Variants in HHIPL1 observed in about 807,000 individuals in gnomAD.
The protein encoded by HHIPL1 is HHIP-like protein 1.
Under a neutral mutation model 61.8 loss-of-function variants are expected in HHIPL1, and 43 were observed. That is an observed-to-expected ratio of 0.70 (90% CI 0.55 to 0.90). The LOEUF (loss-of-function observed/expected upper bound fraction) is 0.90. HHIPL1 is among the 40% of genes least tolerant of loss of function. The pLI is 0.00. For missense variants in HHIPL1, 1,056 were observed against 1,157.7 expected (o/e 0.91, Z 1.28); for synonymous variants, 482 against 515.8 (o/e 0.93, Z 0.89).
the HHIPL1 span, among the ~76,000 whole-genome samples, chr14:99,609,044 C>T: frequency 2.0e-5 from 3 of 152,190 alleles, no homozygotes; most frequent in Admixed American, 6.5e-5. Context: ...TGCAAGGTGC[C>T]TGGACCCATG....
In HHIPL1 at chr14:99,668,228, T is replaced by C; in HGVS notation, c.1655T>C (p.Leu552Pro). ...ISFGEDEAGE[L>P]YFMSTGEPSA... Reference sequence around the variant, plus strand: ...CACTTTGTTCTGTCCAAAGGGGAGCTGTACTTCATGTCGACAGGGGAGCCG... The same window carrying C: ...CACTTTGTTCTGTCCAAAGGGGAGCCGTACTTCATGTCGACAGGGGAGCCG... Residue 552 changes from leucine (L) to proline (P), a missense_variant, in exon 7 of 9, where the codon CTG becomes CCG. Transcript: ENST00000330710. This position sits in a 1 kb window ranked among gnomAD's most constrained non-coding sequence, Gnocchi z 4.7. The C allele has an allele frequency of 6.2e-7, 1 of 1,606,016 alleles. No individual in the cohort carries two copies. Among genetic ancestry groups the C allele is most frequent in the East Asian group, 2.2e-5 (1 of 44,846 alleles).
chr14:99,664,278 C>A (rs1040837390), intron 6 of HHIPL1, among the ~76,000 whole-genome samples: 2 of 152,188 alleles, frequency 1.3e-5, no homozygotes, highest in Non-Finnish European at 2.9e-5. Flanking sequence ...GTCTGGGAAA[C>A]CTTTGTTGAA....
the HHIPL1 span, among the ~76,000 whole-genome samples, chr14:99,608,387 TAATAAAC>T: frequency 6.6e-6 from 1 of 152,250 alleles, no homozygotes; most frequent in Non-Finnish European, 1.5e-5. Flanking sequence ...TTGAGGGTTA[TAATAAAC>T]CTATGAGGAG....
chr14:99,672,998 C>T (rs572856098), intron 8 of HHIPL1, among the ~76,000 whole-genome samples: 2 of 152,346 alleles, frequency 1.3e-5, no homozygotes, highest in African/African-American at 2.4e-5. Context: ...CAGCACACGG[C>T]GAGACACTGC....
intron 2 of HHIPL1, among the ~76,000 whole-genome samples, chr14:99,654,188 C>CAAAA (rs754501639): frequency 5.6e-5 from 5 of 89,972 alleles, no homozygotes; most frequent in Admixed American, 1.3e-4. Context: ...GACTCTGTCT[C>CAAAA]AAAAAAAAAA....
At position 99,676,121 on chromosome 14, in the gene HHIPL1, T is replaced by TC. The variant is rs953109858; in HGVS notation, c.*502dup. 4.5e-5 allele frequency: 7 copies of TC among 154,028 alleles called. No individual in the cohort carries two copies. Among genetic ancestry groups the TC allele is most frequent in the Non-Finnish European group, 1.0e-4 (7 of 70,300 alleles). The allele number at this position is 154,028 out of a possible 1,614,324, so 9.5% of individuals were successfully genotyped here. On this transcript the variant is annotated 3_prime_UTR_variant, in exon 9 of 9. Transcript: ENST00000330710. ...CGGACAGCATGGCCTGGTGCCCGCATCCCCCCCACCCCCTGGCAGTCAGAG... is the reference window on the plus strand; with the variant it reads ...CGGACAGCATGGCCTGGTGCCCGCATCCCCCCCCACCCCCTGGCAGTCAGAG...
the HHIPL1 span, among the ~76,000 whole-genome samples, chr14:99,637,124 G>GAAAAAGAAAGA: frequency 7.2e-5 from 8 of 111,734 alleles, no homozygotes; most frequent in East Asian, 3.7e-4. Flanking sequence ...AGAAAGAAAA[G>GAAAAAGAAAGA]AAAGAGAGAG....
chr14:99,652,293 G>A lies in HHIPL1; in HGVS notation c.325G>A (p.Gly109Arg), dbSNP rs748559588. The A allele has an allele frequency of 1.1e-5, 17 of 1,613,856 alleles. No individual in the cohort carries two copies. Among genetic ancestry groups the A allele is most frequent in the Admixed American group, 6.7e-5 (4 of 60,008 alleles). Residue 109 changes from glycine (G) to arginine (R), a missense_variant, in exon 2 of 9, where the codon GGG becomes AGG. Gly to Arg is a moderately radical substitution (Grantham distance 125). Transcript: ENST00000330710. ...DPFTPLRTVP[G>R]LCQDYCLDMW... ...ATTCACGCCCCTGCGCACGGTGCCC[G>A]GGCTCTGCCAGGATTACTGCCTGGA...
rs1425352902 is a variant in HHIPL1, at chr14:99,672,338, T to G, written c.1752T>G (p.Cys584Trp). 1.3e-6 allele frequency: 2 copies of G among 1,551,216 alleles called. No homozygotes were observed. The highest frequency in any genetic ancestry group is 1.7e-6 in the Non-Finnish European group (2 of 1,146,928). The change falls in exon 8 of 9, where the codon TGT becomes TGG. Residue 584 changes from cysteine (C) to tryptophan (W), a missense_variant. By Grantham distance (215) the Cys-to-Trp change is radical. Coordinates refer to ENST00000330710, the MANE Select transcript of HHIPL1 (RefSeq NM_001127258.3). Reference protein sequence around the residue: ...DASRRAPPGKCQIQPAQVKIR... With the variant: ...DASRRAPPGKWQIQPAQVKIR... The stretch of plus-strand genomic sequence containing the variant: ...GCAGGCGGGCACCACCTGGCAAATG[T>G]CAGATCCAGCCTGCTCAGGTGAAGA...
At chr14:99,620,278 T>C in the HHIPL1 span, among the ~76,000 whole-genome samples, 1 of 152,196 alleles carries the variant, frequency 6.6e-6, no homozygotes, top group African/African-American at 2.4e-5. Flanking sequence ...AAGGAGGCCT[T>C]GAAATCCACT....
Position 99,662,161 on chromosome 14 carries a change from AC to A in HHIPL1, c.1503-711del, listed in dbSNP as rs547763527. 5.3e-5 allele frequency among the ~76,000 whole-genome samples: 8 copies of A among 152,124 alleles called. No individual in the cohort carries two copies. In the East Asian group the frequency reaches 1.4e-3, roughly 26 times the overall value. ...AACCAGGATGACAGAGATGAATAGG[AC>A]CCCTCGTACCCGAGCCAGGGAGACA... On this transcript the variant is annotated intron_variant, in intron 5 of 8. Coordinates refer to ENST00000330710, the MANE Select transcript of HHIPL1 (RefSeq NM_001127258.3).
At position 99,678,632 on chromosome 14, in the gene HHIPL1, G is replaced by A. The variant is rs2056412720; in HGVS notation, c.*3006G>A. The A allele has an allele frequency of 6.6e-6, 1 of 152,256 alleles. No individual in the cohort carries two copies. Among genetic ancestry groups the A allele is most frequent in the Non-Finnish European group, 1.5e-5 (1 of 68,038 alleles). 9.4% of individuals were successfully genotyped at this position (152,256 alleles called of 1,614,324 possible). A position where few individuals can be genotyped will look rare whatever the true frequency, so the allele number is the denominator to read the frequency against. On this transcript the variant is annotated 3_prime_UTR_variant, in exon 9 of 9. Transcript: ENST00000330710. ...ATGGAAGGATAAAGGAAAAGAGGAA[G>A]TTGCTTACGAAAGGACTTAGAAAAG...
intron 7 of HHIPL1, 113 bp from the exon 8 acceptor site, chr14:99,672,204 A>T: frequency 1.3e-6 from 1 of 768,798 alleles, no homozygotes; most frequent in Non-Finnish European, 2.2e-6. Flanking sequence ...GTGCATGGTG[A>T]ATGGCCGCCT....
chr14:99,658,057 AC>A (rs1296430545), intron 3 of HHIPL1, among the ~76,000 whole-genome samples: 1 of 152,154 alleles, frequency 6.6e-6, no homozygotes, highest in Non-Finnish European at 1.5e-5. Flanking sequence ...AAATGGTAAA[AC>A]CTTCCTCAGC....
chr14:99,662,815 GT>G (rs1317464477), intron 5 of HHIPL1, 60 bp from the exon 6 acceptor site: 10 of 1,461,276 alleles, frequency 6.8e-6, no homozygotes, highest in African/African-American at 1.4e-5. Flanking sequence ...GGATGGATTG[GT>G]GGGTAGGTTC....
upstream of HHIPL1, among the ~76,000 whole-genome samples, chr14:99,643,120 A>G (rs2055774362): frequency 6.6e-6 from 1 of 151,758 alleles, no homozygotes; most frequent in Non-Finnish European, 1.5e-5. Flanking sequence ...AGCTCACTAC[A>G]GCCTCCGCCT....
chr14:99,675,672 G>A lies in HHIPL1; in HGVS notation c.*46G>A. ...GCCATCCCGCCGGCGGGGGAGCCTG[G>A]CAGGGGCCGCTCCGCCCTGTGTGCG... On this transcript the variant is annotated 3_prime_UTR_variant, in exon 9 of 9. Coordinates refer to ENST00000330710, the MANE Select transcript of HHIPL1 (RefSeq NM_001127258.3). This position sits in a 1 kb window ranked among gnomAD's most constrained non-coding sequence, Gnocchi z 5.4. 1.4e-6 allele frequency: 2 copies of A among 1,463,344 alleles called. No homozygotes were observed. Among genetic ancestry groups the A allele is most frequent in the South Asian group, 2.7e-5 (2 of 72,916 alleles). 90.6% of individuals were successfully genotyped at this position (1,463,344 alleles called of 1,614,324 possible). A position where few individuals can be genotyped will look rare whatever the true frequency, so the allele number is the denominator to read the frequency against.
At chr14:99,659,320 C>A in intron 3 of HHIPL1, 108 bp from the exon 4 acceptor site, 1 of 856,286 alleles carries the variant, frequency 1.2e-6, no homozygotes. Flanking sequence ...TAGGCTCACC[C>A]TGCACCTGGC....
the HHIPL1 span, among the ~76,000 whole-genome samples, chr14:99,605,473 C>CGCGCAGCA: frequency 1.3e-5 from 2 of 152,178 alleles, no homozygotes; most frequent in Non-Finnish European, 2.9e-5. Flanking sequence ...AGCGCGCGCC[C>CGCGCAGCA]GCGCAGCAGC....
Sources: allele counts gnomAD v4.1 joint callset (sites outside exome capture counted in the v4.1 genomes callset), GRCh38; gene constraint gnomAD v4.1.1; non-coding constraint Gnocchi (gnomAD v3.1); transcripts MANE v1.5; gene names NCBI Gene and HGNC (gene_info 2026-07-23, HGNC 2026-07-21).